Variants in TPST1 observed in about 807,000 individuals in gnomAD.
TPST1 encodes the protein protein-tyrosine sulfotransferase 1.
A neutral mutation model predicts 34.8 loss-of-function variants in TPST1; 20 were observed. The observed-to-expected ratio is 0.57, with a 90% confidence interval of 0.40 to 0.84. The LOEUF (loss-of-function observed/expected upper bound fraction) is 0.84, where lower values mean the gene tolerates loss of function less well. TPST1 is among the 40% of genes least tolerant of loss of function. The probability of loss-of-function intolerance (pLI) is 0.00; values close to 1 mark genes in which losing one functional copy is unlikely to be tolerated. For missense variants in TPST1, 353 were observed against 455.5 expected, an observed-to-expected ratio of 0.78 and a Z score of 2.05; for synonymous variants, 152 against 159.4, an observed-to-expected ratio of 0.95 and a Z score of 0.35.
chr7:66,270,419 C>G (rs1790682308), intron 2 of TPST1, among the ~76,000 whole-genome samples: 1 of 152,220 alleles, frequency 6.6e-6, no homozygotes. Context: ...CTATCCCAAA[C>G]TAAGTCCCCT....
chr7:66,236,446 C>T (rs1040300794), intron 1 of TPST1, among the ~76,000 whole-genome samples: 4 of 151,940 alleles, frequency 2.6e-5, no homozygotes, highest in African/African-American at 9.7e-5. Context: ...TTGTTTATAT[C>T]TAAACAACTT....
In TPST1 at chr7:66,356,826, C is replaced by T. The variant is rs1792591781; in HGVS notation, c.1097C>T (p.Thr366Ile). Residue 366 changes from threonine (T) to isoleucine (I), a missense_variant and splice_region_variant, in exon 5 of 6, where the codon ACT becomes ATT. Physicochemically the swap from Thr to Ile is moderately conservative, Grantham distance 89. Transcript: ENST00000304842. ...LPDFLKEKPQ[T>I]EQVE ...AACATCTTTTCTTTCCTTCAACAGA[C>T]TGAGCAAGTGGAGTAGCAGAACCAG... 6.2e-7 allele frequency: 1 copy of T among 1,614,074 alleles called. No individual in the cohort carries two copies. The highest frequency in any genetic ancestry group is 1.3e-5 in the African/African-American group (1 of 74,940).
intron 2 of TPST1, among the ~76,000 whole-genome samples, chr7:66,256,964 T>C (rs998187080): frequency 1.3e-5 from 2 of 152,172 alleles, no homozygotes; most frequent in African/African-American, 2.4e-5. Context: ...TTTTTTTTCT[T>C]GAGACAGCAT....
intron 3 of TPST1, among the ~76,000 whole-genome samples, chr7:66,342,869 A>G (rs1461366226): frequency 6.6e-6 from 1 of 152,124 alleles, no homozygotes; most frequent in African/African-American, 2.4e-5. Context: ...AACACTTCCC[A>G]CTAGGCCCCA....
At chr7:66,245,835 G>A (rs1790135634) in intron 2 of TPST1, among the ~76,000 whole-genome samples, 1 of 152,174 alleles carries the variant, frequency 6.6e-6, no homozygotes, top group Non-Finnish European at 1.5e-5. Flanking sequence ...GATCACCTGA[G>A]CTCTACTAGC....
At position 66,241,166 on chromosome 7, in the gene TPST1, A is replaced by G; in HGVS notation, c.741A>G (p.Glu247=). 1 of 1,614,196 alleles carries G rather than the reference A, an allele frequency of 6.2e-7. No individual in the cohort carries two copies. Among genetic ancestry groups the G allele is most frequent in the Non-Finnish European group, 8.5e-7 (1 of 1,180,032 alleles). ...VHYEQLVLHP[E]RWMRTLLKFL... ...ATGAACAACTTGTCTTACATCCTGA[A>G]CGGTGGATGAGAACACTCTTAAAGT... The change falls in exon 2 of 6, where the codon GAA becomes GAG. Residue 247 remains glutamate, a synonymous_variant. Coordinates refer to ENST00000304842, the MANE Select transcript of TPST1 (RefSeq NM_003596.4).
chr7:66,359,560 G>A, intron 5 of TPST1: 1 of 266,590 alleles, frequency 3.8e-6, no homozygotes, highest in East Asian at 9.3e-5. Flanking sequence ...GACATCTGGT[G>A]CCCCTGACAG....
At chr7:66,228,305 A>G (rs1307874833) in intron 1 of TPST1, among the ~76,000 whole-genome samples, 3 of 152,214 alleles carry the variant, frequency 2.0e-5, no homozygotes, top group African/African-American at 7.2e-5. Flanking sequence ...ATTGTTGTTA[A>G]GGAAATTTTA....
At chr7:66,329,511 C>T (rs894912754) in intron 3 of TPST1, among the ~76,000 whole-genome samples, 5 of 152,010 alleles carry the variant, frequency 3.3e-5, no homozygotes, top group Admixed American at 3.3e-4. Flanking sequence ...GCATTTTCCT[C>T]GACAACTGAT....
At chr7:66,282,089 A>G (rs1320445992) in intron 2 of TPST1, among the ~76,000 whole-genome samples, 1 of 152,176 alleles carries the variant, frequency 6.6e-6, no homozygotes, top group Non-Finnish European at 1.5e-5. Flanking sequence ...TCAGTAAGCT[A>G]AAGGGGTGTA....
At chr7:66,269,866 G>A (rs1770157998) in intron 2 of TPST1, among the ~76,000 whole-genome samples, 1 of 152,114 alleles carries the variant, frequency 6.6e-6, no homozygotes, top group Non-Finnish European at 1.5e-5. Context: ...AGGAGAGCAA[G>A]TCAACAAAGC....
intron 1 of TPST1, among the ~76,000 whole-genome samples, chr7:66,214,207 C>T (rs962909701): frequency 2.6e-5 from 4 of 152,038 alleles, no homozygotes; most frequent in African/African-American, 9.7e-5. Context: ...CTCTCCATCC[C>T]TAGGCAACCA....
chr7:66,300,950 A>AG (rs1180255957), intron 3 of TPST1, among the ~76,000 whole-genome samples: 2 of 152,112 alleles, frequency 1.3e-5, no homozygotes, highest in East Asian at 3.9e-4. Flanking sequence ...CATCTCAAAA[A>AG]AAAAAACAAA....
chr7:66,306,951 G>T (rs1392645216), intron 3 of TPST1, among the ~76,000 whole-genome samples: 1 of 152,130 alleles, frequency 6.6e-6, no homozygotes, highest in Admixed American at 6.5e-5. Flanking sequence ...CTGACCTCAG[G>T]TGTCCCACCC....
At chr7:66,201,381 CAAAAAAAAA>C (rs138553925), upstream of TPST1, among the ~76,000 whole-genome samples, 13 of 73,520 alleles carry the variant, frequency 1.8e-4, no homozygotes, top group African/African-American at 6.1e-4. Context: ...CCATCTCTAC[CAAAAAAAAA>C]AAAAAAAAAA....
chr7:66,318,144 C>A (rs1257818685), intron 3 of TPST1, among the ~76,000 whole-genome samples: 1 of 152,062 alleles, frequency 6.6e-6, no homozygotes, highest in Non-Finnish European at 1.5e-5. Flanking sequence ...GGCGACAGAG[C>A]AAGACTCTTT....
intron 1 of TPST1, among the ~76,000 whole-genome samples, chr7:66,217,415 G>A (rs1487974266): frequency 6.6e-6 from 1 of 152,032 alleles, no homozygotes; most frequent in Non-Finnish European, 1.5e-5. Context: ...TTGATGAATT[G>A]TTGGATTTTC....
intron 1 of TPST1, among the ~76,000 whole-genome samples, chr7:66,212,286 C>T (rs1256049558): frequency 6.6e-6 from 1 of 152,036 alleles, no homozygotes; most frequent in Non-Finnish European, 1.5e-5. Context: ...TTCTTTTTAA[C>T]TAAGAAAATT....
rs141611742 is a variant in TPST1 at position 66,235,031 on chromosome 7, T to C, written c.-101-5294T>C. Among the ~76,000 whole-genome samples, 51 of 152,288 alleles carry C rather than the reference T, an allele frequency of 3.3e-4. 1 individual carries two copies. In the East Asian group the frequency reaches 7.3e-3, roughly 22 times the overall value. ...TTTACTTTCTTTAACCAAAATGTTA[T>C]TGTATAATAGGATCGACTCTTCTCT... On this transcript the variant is annotated intron_variant, in intron 1 of 5. Coordinates refer to ENST00000304842, the MANE Select transcript of TPST1 (RefSeq NM_003596.4).
Sources: gnomAD v4.1 joint callset for allele counts (sites outside exome capture counted in the v4.1 genomes callset) on GRCh38, gnomAD v4.1.1 for gene constraint, MANE v1.5 for transcripts, NCBI Gene and HGNC (gene_info 2026-07-23, HGNC 2026-07-21) for gene names.